Variants in AP3B1 observed in about 807,000 individuals in gnomAD.
AP3B1 encodes the protein adaptor related protein complex 3 subunit beta 1.
In AP3B1, 61 loss-of-function variants were observed where a neutral mutation model predicts 132.5. The observed-to-expected ratio is 0.46, with a 90% CI of 0.37 to 0.57. The LOEUF (loss-of-function observed/expected upper bound fraction) is 0.57, where lower values mean the gene tolerates loss of function less well. AP3B1 is among the 20% of genes least tolerant of loss of function. The pLI, the probability that AP3B1 is intolerant of heterozygous loss-of-function variation, is 0.00. For missense variants in AP3B1, 1,120 were observed against 1,289.4 expected (o/e 0.87, Z 2.01); for synonymous variants, 388 against 438.3 (o/e 0.89, Z 1.43).
At position 78,128,064 on chromosome 5, in the gene AP3B1, T is replaced by C; in HGVS notation, c.1934A>G (p.Asp645Gly). 1 of 1,613,360 alleles carries C rather than the reference T, an allele frequency of 6.2e-7. No individual in the cohort carries two copies. The highest frequency in any genetic ancestry group is 1.1e-5 in the South Asian group (1 of 91,062). The change falls in exon 17 of 27, where the codon GAC (aspartate) becomes GGC (glycine). Residue 645 changes from aspartate (D) to glycine (G), a missense_variant. Around this residue, in one of 3 missense-constraint regions of AP3B1, gnomAD observed 906 missense variants for 997.1 expected, o/e 0.91. Transcript: ENST00000255194. ...ELSNWPEVAP[D>G]PSVRNVEVIE... is the part of the protein sequence containing the mutation. ...TACTTCTACATTTCGAACTGATGGGTCGGGCGCCACCTCTGGCCAATTAGA... is the reference window on the plus strand; with the variant it reads ...TACTTCTACATTTCGAACTGATGGGCCGGGCGCCACCTCTGGCCAATTAGA...
chr5:78,117,172 C>CTTTT (rs70997968), intron 17 of AP3B1, among the ~76,000 whole-genome samples: 3 of 122,238 alleles, frequency 2.5e-5, no homozygotes, highest in Non-Finnish European at 3.4e-5. Context: ...TCCCCACCAC[C>CTTTT]TTTTTTTTTT....
intron 14 of AP3B1, among the ~76,000 whole-genome samples, chr5:78,151,830 CCCTCCCCTCCCCCT>C: frequency 8.7e-6 from 1 of 114,892 alleles, no homozygotes. Context: ...TTCCTTCCTT[CCCTCCCCTCCCCCT>C]TCCCCTCCCC....
chr5:78,020,277 A>G (rs914203804), intron 25 of AP3B1, among the ~76,000 whole-genome samples: 1 of 152,156 alleles, frequency 6.6e-6, no homozygotes, highest in Admixed American at 6.5e-5. Flanking sequence ...TAATGTGTGC[A>G]GGGACAAATA....
At chr5:78,197,473 A>C (rs751995581) in intron 7 of AP3B1, among the ~76,000 whole-genome samples, 160 of 152,176 alleles carry the variant, frequency 1.1e-3, no homozygotes, top group Admixed American at 1.1e-3. Flanking sequence ...GGAATAAAGA[A>C]AAGTGTGAAA....
rs769172709 is a variant in AP3B1 at position 78,128,181 on chromosome 5, T to C, written c.1838-21A>G. 1.6e-5 allele frequency: 25 copies of C among 1,567,732 alleles called. No homozygotes were observed. The South Asian group carries it at 2.4e-4, about 15-fold the overall frequency. On this transcript the variant is annotated intron_variant, in intron 16 of 26. Coordinates refer to ENST00000255194, the MANE Select transcript of AP3B1 (RefSeq NM_003664.5). The stretch of plus-strand genomic sequence containing the variant: ...TCTATCTATTAAAAATAGGGAAAAA[T>C]ATAAAATAAACAATATGAGCTGTAT...
At chr5:78,010,457 T>G (rs1324403446) in intron 26 of AP3B1, among the ~76,000 whole-genome samples, 1 of 152,182 alleles carries the variant, frequency 6.6e-6, no homozygotes, top group Non-Finnish European at 1.5e-5. Flanking sequence ...CACATGATTT[T>G]TTTGTACAGA....
chr5:78,071,979 G>C (rs971876180), intron 22 of AP3B1, among the ~76,000 whole-genome samples: 11 of 152,120 alleles, frequency 7.2e-5, no homozygotes, highest in African/African-American at 2.7e-4. Context: ...ATATTTACAA[G>C]ATATTTTGTC....
chr5:78,139,245 A>G (rs1029772110), intron 15 of AP3B1, among the ~76,000 whole-genome samples: 1 of 152,204 alleles, frequency 6.6e-6, no homozygotes, highest in Non-Finnish European at 1.5e-5. Flanking sequence ...ACAATAATCC[A>G]TAAGCTAGAT....
intron 7 of AP3B1, among the ~76,000 whole-genome samples, chr5:78,202,526 ATACAC>A (rs1745336502): frequency 6.6e-6 from 1 of 151,150 alleles, no homozygotes; most frequent in South Asian, 2.1e-4. Flanking sequence ...GTGTGTGTAC[ATACAC>A]TAAACATATG....
At chr5:78,137,282 T>G (rs1452307901) in intron 15 of AP3B1, among the ~76,000 whole-genome samples, 1 of 152,148 alleles carries the variant, frequency 6.6e-6, no homozygotes, top group Non-Finnish European at 1.5e-5. Context: ...ACCTCAAATT[T>G]CAGCTTGGTT....
At chr5:78,064,007 A>G (rs567302486) in intron 22 of AP3B1, among the ~76,000 whole-genome samples, 13 of 151,976 alleles carry the variant, frequency 8.6e-5, no homozygotes, top group African/African-American at 3.1e-4. Context: ...AAACATAAGA[A>G]GTACTTGCAG....
chr5:78,004,143 T>C (rs1469398116), intron 26 of AP3B1, among the ~76,000 whole-genome samples: 1 of 152,164 alleles, frequency 6.6e-6, no homozygotes, highest in Non-Finnish European at 1.5e-5. Context: ...CGTGTCTGAA[T>C]CTGAGCCATC....
chr5:78,020,775 C>G lies in AP3B1; in HGVS notation c.2909G>C (p.Cys970Ser). The G allele has an allele frequency of 3.1e-6, 5 of 1,611,704 alleles. No individual in the cohort carries two copies. The highest frequency in any genetic ancestry group is 4.2e-6 in the Non-Finnish European group (5 of 1,178,784). ...ASFQLCTKDD[C>S]FNVNIQPPVG... ...AGGTGGCTGAATATTAACATTGAAG[C>G]AATCATCCTTGGTACTGAAGAAAAA... is the stretch of plus-strand genomic sequence containing the variant. Residue 970 changes from cysteine (C) to serine (S), a missense_variant, in exon 25 of 27, where the codon TGC (cysteine) becomes TCC (serine). Cys to Ser is a moderately radical substitution (Grantham distance 112, BLOSUM62 -1). This residue lies in a region of AP3B1 where 906 missense variants were observed against 997.1 expected (regional missense o/e 0.91). Transcript: ENST00000255194.
chr5:78,258,031 A>C (rs1334612574), intron 2 of AP3B1, among the ~76,000 whole-genome samples: 1 of 152,222 alleles, frequency 6.6e-6, no homozygotes, highest in Non-Finnish European at 1.5e-5. Context: ...AAAGACTTAA[A>C]TCTAAGACCT....
chr5:78,061,135 A>G (rs968391418), intron 22 of AP3B1, among the ~76,000 whole-genome samples: 2 of 141,026 alleles, frequency 1.4e-5, no homozygotes, highest in Non-Finnish European at 3.1e-5. Context: ...TCAAACATAG[A>G]AAAAAAAAAA....
At chr5:78,219,642 A>G (rs905078841) in intron 6 of AP3B1, among the ~76,000 whole-genome samples, 1 of 152,048 alleles carries the variant, frequency 6.6e-6, no homozygotes, top group Non-Finnish European at 1.5e-5. Flanking sequence ...TTAGGAAAAA[A>G]CTATTCATAT....
chr5:78,043,894 A>C (rs1748205571), intron 22 of AP3B1: 1 of 350,868 alleles, frequency 2.9e-6, no homozygotes. Context: ...CTAATTTGGG[A>C]ACCATTACCA....
Position 78,106,653 on chromosome 5 carries a change from G to T in AP3B1, c.2397+3554C>A, listed in dbSNP as rs202024195. On this transcript the variant is annotated intron_variant, in intron 20 of 26. Coordinates refer to ENST00000255194, the MANE Select transcript of AP3B1 (RefSeq NM_003664.5). Reference sequence around the variant, plus strand: ...AGCATTGGTCAGAGGATGACCAATGGCAATGGTCTATGCAGGTAATGAAGA... The same window carrying T: ...AGCATTGGTCAGAGGATGACCAATGTCAATGGTCTATGCAGGTAATGAAGA... Among the ~76,000 whole-genome samples, 5 of 152,154 alleles carry T rather than the reference G, an allele frequency of 3.3e-5. No homozygotes were observed. The East Asian group carries it at 9.6e-4, about 29-fold the overall frequency.
intron 21 of AP3B1, 62 bp from the exon 22 acceptor site, chr5:78,089,561 A>C: frequency 9.3e-7 from 1 of 1,073,690 alleles, no homozygotes. Flanking sequence ...TATTAAAAGC[A>C]ACATTTTTAT....
Sources: allele counts gnomAD v4.1 joint callset (sites outside exome capture counted in the v4.1 genomes callset), GRCh38; gene constraint gnomAD v4.1.1; regional missense constraint gnomAD v4.1.1; transcripts MANE v1.5; gene names NCBI Gene and HGNC (gene_info 2026-07-23, HGNC 2026-07-21).